Variants in MTX1 observed in about 807,000 individuals in gnomAD.
MTX1 encodes metaxin 1, also known as metaxin-1.
In MTX1, 20 loss-of-function variants were observed where a neutral mutation model predicts 39.4. That is an observed-to-expected ratio of 0.51 (90% CI 0.36 to 0.74). MTX1 has a LOEUF of 0.74. MTX1 is among the 30% of genes least tolerant of loss of function. The probability of loss-of-function intolerance (pLI) is 0.00; values close to 1 mark genes in which losing one functional copy is unlikely to be tolerated. For synonymous variants in MTX1, 209 were observed against 198.6 expected (o/e 1.05, Z -0.44); for missense variants, 481 against 485.9 (o/e 0.99, Z 0.10).
At position 155,212,090 on chromosome 1, in the gene MTX1, C is replaced by T. The variant is rs189399294; in HGVS notation, c.679-37C>T. On this transcript the variant is annotated intron_variant, in intron 3 of 7. Coordinates refer to ENST00000368376, the MANE Select transcript of MTX1 (RefSeq NM_002455.5). ...CCTCCCTGGTGAAGTGCCCTTGCAG[C>T]TCCCTAGTGTCCACGCCATGGATAT... 2.5e-4 allele frequency: 395 copies of T among 1,554,032 alleles called. 3 individuals are homozygous for T. In the South Asian group the frequency reaches 2.7e-3, roughly 11 times the overall value.
At chr1:155,210,000 A>G (rs1372996016) in intron 1 of MTX1, among the ~76,000 whole-genome samples, 5 of 152,218 alleles carry the variant, frequency 3.3e-5, no homozygotes, top group Admixed American at 3.3e-4. Flanking sequence ...GGAACAGACC[A>G]CAGATACTGC....
At chr1:155,212,890 A>G in intron 6 of MTX1, 120 bp downstream of exon 6, 1 of 1,470,300 alleles carries the variant, frequency 6.8e-7, no homozygotes, top group Non-Finnish European at 9.1e-7. Flanking sequence ...GGTCCCTGGG[A>G]TAGAAACTGG....
chr1:155,210,012 A>G (rs1671047593), intron 1 of MTX1, among the ~76,000 whole-genome samples: 1 of 152,208 alleles, frequency 6.6e-6, no homozygotes, highest in African/African-American at 2.4e-5. Flanking sequence ...AGATACTGCC[A>G]AAGAGAAGGG....
At position 155,210,564 on chromosome 1, in the gene MTX1, T is replaced by A; in HGVS notation, c.615T>A (p.Leu205=). The change falls in exon 3 of 8, where the codon CTT becomes CTA. Residue 205 remains leucine (L), a synonymous_variant. Coordinates refer to ENST00000368376, the MANE Select transcript of MTX1 (RefSeq NM_002455.5). ...CAATATCAGGAACTCTGCCTGCCCTTCGGACCAGTCATGGAGAGGTCATCT... is the reference window on the plus strand; with the variant it reads ...CAATATCAGGAACTCTGCCTGCCCTACGGACCAGTCATGGAGAGGTCATCT... ...WQSPSGTLPA[L]RTSHGEVISV... 6.2e-7 allele frequency: 1 copy of A among 1,614,098 alleles called. No homozygotes were observed. The highest frequency in any genetic ancestry group is 1.1e-5 in the South Asian group (1 of 91,080).
At chr1:155,210,750 C>G (rs1671105582) in intron 3 of MTX1, 123 bp downstream of exon 3, 1 of 887,478 alleles carries the variant, frequency 1.1e-6, no homozygotes, top group Non-Finnish European at 1.8e-6. Flanking sequence ...CATCAAGGAG[C>G]AACAGTCTTG....
Position 155,210,589 on chromosome 1 carries a change from T to G in MTX1, c.640T>G (p.Ser214Ala). 1 of 1,614,134 alleles carries G rather than the reference T, an allele frequency of 6.2e-7. No individual in the cohort carries two copies. Among genetic ancestry groups the G allele is most frequent in the Non-Finnish European group, 8.5e-7 (1 of 1,180,040 alleles). ...ALRTSHGEVI[S>A]VPHKIITHLR... is the part of the protein sequence containing the mutation. Reference sequence around the variant, plus strand: ...TCGGACCAGTCATGGAGAGGTCATCTCAGTTCCACACAAGATCATCACCCA... The same window carrying G: ...TCGGACCAGTCATGGAGAGGTCATCGCAGTTCCACACAAGATCATCACCCA... The change falls in exon 3 of 8, where the codon TCA (serine) becomes GCA (alanine). Residue 214 changes from serine (S) to alanine (A), a missense_variant. Around this residue, in one of 2 missense-constraint regions of MTX1, gnomAD observed 368 missense variants for 332.8 expected, o/e 1.11. Transcript: ENST00000368376.
chr1:155,208,882 G>A lies in MTX1; in HGVS notation c.78G>A (p.Val26=), dbSNP rs750361868. 6.2e-7 allele frequency: 1 copy of A among 1,611,696 alleles called. No homozygotes were observed. Among genetic ancestry groups the A allele is most frequent in the South Asian group, 1.1e-5 (1 of 90,932 alleles). The change falls in exon 1 of 8, where the codon GTG becomes GTA. Residue 26 remains valine (V), a synonymous_variant. Transcript: ENST00000368376. The part of the protein sequence containing the change: ...PKGPWSSTGH[V]QFGKSPQTWP... Reference sequence around the variant, plus strand: ...GGCCCTGGAGCAGTACAGGCCACGTGCAGTTTGGCAAGAGCCCCCAGACCT... The same window carrying A: ...GGCCCTGGAGCAGTACAGGCCACGTACAGTTTGGCAAGAGCCCCCAGACCT...
rs1670942273 is a variant in MTX1, at chr1:155,209,067, C to G, written c.263C>G (p.Pro88Arg). ...TGGATGGGCCGGCGGCCGCCCTCCCCCGAGGCCCGCGGCCCAGTCCCCCGC... is the reference window on the plus strand; with the variant it reads ...TGGATGGGCCGGCGGCCGCCCTCCCGCGAGGCCCGCGGCCCAGTCCCCCGC... ...HLWMGRRPPS[P>R]EARGPVPRSS... The change falls in exon 1 of 8, where the codon CCC becomes CGC. Residue 88 changes from proline (P) to arginine (R), a missense_variant. Transcript: ENST00000368376. The G allele has an allele frequency of 6.5e-7, 1 of 1,538,954 alleles. No homozygotes were observed. Among genetic ancestry groups the G allele is most frequent in the Non-Finnish European group, 8.8e-7 (1 of 1,141,676 alleles).
chr1:155,209,364 C>A, intron 1 of MTX1, 32 bp downstream of exon 1: 1 of 1,391,234 alleles, frequency 7.2e-7, no homozygotes, highest in Non-Finnish European at 9.3e-7. Context: ...CTCTGCTGTG[C>A]CCTGATGACT....
intron 3 of MTX1, 30 bp downstream of exon 3, chr1:155,210,657 G>A (rs1290738637): frequency 1.9e-6 from 3 of 1,587,002 alleles, no homozygotes; most frequent in South Asian, 1.1e-5. Context: ...GGGGCTGCCA[G>A]TGAGAGAAGT....
chr1:155,212,295 T>A, intron 4 of MTX1, 76 bp downstream of exon 4: 1 of 1,595,900 alleles, frequency 6.3e-7, no homozygotes, highest in Admixed American at 1.7e-5. Context: ...ACACACAGGC[T>A]CAGGAAAGCA....
In MTX1 at chr1:155,209,213, G is replaced by C; in HGVS notation, c.409G>C (p.Ala137Pro). ...GGGPRQGRAE[A>P]HKEVFPGQRV... The stretch of plus-strand genomic sequence containing the variant: ...CGGGCCCAGGCAGGGGAGGGCAGAA[G>C]CACACAAGGAAGTGTTTCCGGGACA... Residue 137 changes from alanine (A) to proline (P), a missense_variant, in exon 1 of 8, where the codon GCA becomes CCA. Physicochemically the swap from Ala to Pro is conservative, Grantham distance 27 (BLOSUM62 -1). This residue lies in a region of MTX1 where 368 missense variants were observed against 332.8 expected (regional missense o/e 1.11). Transcript: ENST00000368376. 2 of 1,461,396 alleles carry C rather than the reference G, an allele frequency of 1.4e-6. No individual in the cohort carries two copies. Among genetic ancestry groups the C allele is most frequent in the Non-Finnish European group, 1.8e-6 (2 of 1,103,852 alleles). 90.5% of individuals were successfully genotyped at this position (1,461,396 alleles called of 1,614,324 possible). A position where few individuals can be genotyped will look rare whatever the true frequency, so the allele number is the denominator to read the frequency against.
rs749607249 is a variant in MTX1 at position 155,208,941 on chromosome 1, C to T, written c.137C>T (p.Pro46Leu). 4 of 1,610,164 alleles carry T rather than the reference C, an allele frequency of 2.5e-6. No individual in the cohort carries two copies. The highest frequency in any genetic ancestry group is 3.4e-6 in the Non-Finnish European group (4 of 1,179,290). ...CGCACAAGACCCCGCTCTCCAGAGC[C>T]TGCCGCGCCTTCAGGGGTTCGGGGC... ...PRRTRPRSPE[P>L]AAPSGVRGST... The change falls in exon 1 of 8, where the codon CCT becomes CTT. Residue 46 changes from proline to leucine, a missense_variant. Pro to Leu is a moderately conservative substitution (Grantham distance 98). Transcript: ENST00000368376.
chr1:155,210,356 G>A lies in MTX1; in HGVS notation c.539G>A (p.Arg180Lys). ...CTTCCTTCCCTGCAGACCTATGCCAGATTTACTGGTGCTCCACTGAAGGTA... is the reference window on the plus strand; with the variant it reads ...CTTCCTTCCCTGCAGACCTATGCCAAATTTACTGGTGCTCCACTGAAGGTA... ...LDSLAVLTYA[R>K]FTGAPLKVHK... Residue 180 changes from arginine to lysine, a missense_variant, in exon 2 of 8, where the codon AGA becomes AAA. Coordinates refer to ENST00000368376, the MANE Select transcript of MTX1 (RefSeq NM_002455.5). 6.2e-7 allele frequency: 1 copy of A among 1,614,208 alleles called. No individual in the cohort carries two copies. The highest frequency in any genetic ancestry group is 8.5e-7 in the Non-Finnish European group (1 of 1,180,016).
chr1:155,210,240 G>A (rs1671064611), intron 1 of MTX1, 106 bp from the exon 2 acceptor site: 1 of 978,886 alleles, frequency 1.0e-6, no homozygotes, highest in East Asian at 2.4e-5. Flanking sequence ...AAGATACTAA[G>A]TATAGGGAAT....
Position 155,208,794 on chromosome 1 carries a change from C to A in MTX1, c.-11C>A. On this transcript the variant is annotated 5_prime_UTR_variant, in exon 1 of 8. It adds an upstream start codon to the 5' untranslated region. Transcript: ENST00000368376. ...CAGGGCCCGCTCCAAACATAACGCG[C>A]TGTGGAAAACATGCTGCTCGGGGGA... The A allele has an allele frequency of 6.6e-7, 1 of 1,525,394 alleles. No individual in the cohort carries two copies. The allele number at this position is 1,525,394 out of a possible 1,614,324, so 94.5% of individuals were successfully genotyped here.
At position 155,209,181 on chromosome 1, in the gene MTX1, C is replaced by A; in HGVS notation, c.377C>A (p.Ala126Glu). Residue 126 changes from alanine (A) to glutamate (E), a missense_variant, in exon 1 of 8, where the codon GCG becomes GAG. By Grantham distance (107) the Ala-to-Glu change is moderately radical. Coordinates refer to ENST00000368376, the MANE Select transcript of MTX1 (RefSeq NM_002455.5). ...ACCGCAACGATCGGAGGGGCGGTGG[C>A]GGGGGGCGGGCCCAGGCAGGGGAGG... ...PLTATIGGAV[A>E]GGGPRQGRAE... 6.8e-7 allele frequency: 1 copy of A among 1,479,022 alleles called. No homozygotes were observed. The highest frequency in any genetic ancestry group is 9.0e-7 in the Non-Finnish European group (1 of 1,113,322). The allele number at this position is 1,479,022 out of a possible 1,614,324, so 91.6% of individuals were successfully genotyped here. A position where few individuals can be genotyped will look rare whatever the true frequency, so the allele number is the denominator to read the frequency against.
At chr1:155,211,048 T>C (rs1557890097) in intron 3 of MTX1, 1 of 217,244 alleles carries the variant, frequency 4.6e-6, no homozygotes, top group South Asian at 5.9e-5. Flanking sequence ...CTATGCTCTT[T>C]ACTCTGCCAT....
chr1:155,212,361 T>C, intron 4 of MTX1, 24 bp from the exon 5 acceptor site: 1 of 1,613,466 alleles, frequency 6.2e-7, no homozygotes, highest in Non-Finnish European at 8.5e-7. Context: ...GACCTACCTG[T>C]TTCTTCCTGC....
Sources: allele counts gnomAD v4.1 joint callset (sites outside exome capture counted in the v4.1 genomes callset), GRCh38; gene constraint gnomAD v4.1.1; regional missense constraint gnomAD v4.1.1; transcripts MANE v1.5; gene names NCBI Gene and HGNC (gene_info 2026-07-23, HGNC 2026-07-21).